The following ADRA1B variants were observed in gnomAD, a reference collection of about 807,000 sequenced individuals.
The protein encoded by ADRA1B is alpha-1B adrenergic receptor.
A neutral mutation model predicts 17.9 loss-of-function variants in ADRA1B; 17 were observed. The ratio of observed to expected loss-of-function variants is 0.95; its 90% confidence interval spans 0.65 to 1.42. The LOEUF is 1.42. Ranked by LOEUF, ADRA1B falls within the 40% of genes most tolerant of loss-of-function variation. The probability of loss-of-function intolerance (pLI) is 0.00; values close to 1 mark genes in which losing one functional copy is unlikely to be tolerated. For synonymous variants in ADRA1B, 366 were observed against 327.6 expected, an observed-to-expected ratio of 1.12 and a Z score of -1.27; for missense variants, 681 against 722.1, an observed-to-expected ratio of 0.94 and a Z score of 0.65.
intron 1 of ADRA1B, among the ~76,000 whole-genome samples, chr5:159,903,106 A>C (rs1483131788): frequency 6.6e-6 from 1 of 152,200 alleles, no homozygotes; most frequent in Non-Finnish European, 1.5e-5. Flanking sequence ...CCTCTGCCTC[A>C]ACAGCCCGGC....
intron 1 of ADRA1B, among the ~76,000 whole-genome samples, chr5:159,958,284 T>C (rs1441280022): frequency 6.6e-6 from 1 of 152,202 alleles, no homozygotes; most frequent in Admixed American, 6.5e-5. Flanking sequence ...AGCTATCCTG[T>C]TGCCCCAACT....
chr5:159,903,868 G>A (rs1754128532), intron 1 of ADRA1B, among the ~76,000 whole-genome samples: 1 of 152,132 alleles, frequency 6.6e-6, no homozygotes, highest in South Asian at 2.1e-4. Context: ...CCGACAGGTG[G>A]AAGACTCAGG....
chr5:159,888,651 G>A (rs1753952071), intron 1 of ADRA1B, among the ~76,000 whole-genome samples: 1 of 152,106 alleles, frequency 6.6e-6, no homozygotes, highest in Admixed American at 6.5e-5. Flanking sequence ...AGTAGGAACT[G>A]CAGAAAGCAC....
intron 1 of ADRA1B, among the ~76,000 whole-genome samples, chr5:159,911,188 CA>C (rs1754223748): frequency 6.6e-6 from 1 of 152,086 alleles, no homozygotes; most frequent in Non-Finnish European, 1.5e-5. Flanking sequence ...GATTTTTGGG[CA>C]AAGTGATAGT....
intron 1 of ADRA1B, among the ~76,000 whole-genome samples, chr5:159,896,421 C>G (rs1754041202): frequency 6.6e-6 from 1 of 152,146 alleles, no homozygotes; most frequent in Non-Finnish European, 1.5e-5. Context: ...GCTATAATTC[C>G]CAGTTCTTGT....
chr5:159,927,757 TATAGTGCAGACGTCCA>T lies in ADRA1B; in HGVS notation c.949+9909_949+9924del, dbSNP rs199999069. On this transcript the variant is annotated intron_variant, in intron 1 of 1. Coordinates refer to ENST00000306675, the MANE Select transcript of ADRA1B (RefSeq NM_000679.4). Reference sequence around the variant, plus strand: ...TTTTAAAACCTGGAATAAGGGTGTTTATAGTGCAGACGTCCAATAGTACACCAGTTTCACACCAGAG... The same window carrying T: ...TTTTAAAACCTGGAATAAGGGTGTTTATAGTACACCAGTTTCACACCAGAG... 7.2e-5 allele frequency among the ~76,000 whole-genome samples: 11 copies of T among 152,180 alleles called. No homozygotes were observed. The East Asian group carries it at 2.1e-3, about 29-fold the overall frequency.
chr5:159,906,132 G>A (rs771148313), intron 1 of ADRA1B, among the ~76,000 whole-genome samples: 26 of 152,202 alleles, frequency 1.7e-4, no homozygotes, highest in Non-Finnish European at 3.8e-4. Flanking sequence ...TGGGATTACA[G>A]GGGTAAGCCA....
Position 159,972,342 on chromosome 5 carries a change from C to T in ADRA1B, c.1413C>T (p.Gly471=), listed in dbSNP as rs1220891574. The change falls in exon 2 of 2, where the codon GGC becomes GGT. Residue 471 remains glycine, a synonymous_variant. Coordinates refer to ENST00000306675, the MANE Select transcript of ADRA1B (RefSeq NM_000679.4). ...PPGRRGRHDS[G]PLFTFKLLTE... ...GCCGCCGCGGCCGCCACGACTCGGG[C>T]CCGCTCTTCACCTTCAAGCTCCTGA... The T allele has an allele frequency of 1.3e-6, 2 of 1,484,276 alleles. No individual in the cohort carries two copies. Among genetic ancestry groups the T allele is most frequent in the African/African-American group, 2.9e-5 (2 of 68,430 alleles). 91.9% of individuals were successfully genotyped at this position (1,484,276 alleles called of 1,614,324 possible). A position where few individuals can be genotyped will look rare whatever the true frequency, so the allele number is the denominator to read the frequency against.
At chr5:159,988,646 C>G in the ADRA1B span, among the ~76,000 whole-genome samples, 1 of 152,130 alleles carries the variant, frequency 6.6e-6, no homozygotes, top group African/African-American at 2.4e-5. Flanking sequence ...AGTCTCTTTC[C>G]TAGAGAGTTT....
At chr5:159,931,244 A>G (rs991492739) in intron 1 of ADRA1B, among the ~76,000 whole-genome samples, 2 of 151,196 alleles carry the variant, frequency 1.3e-5, no homozygotes, top group African/African-American at 4.9e-5. Flanking sequence ...AAAAATAAAA[A>G]TTAGCCTCAT....
chr5:159,907,050 C>T (rs114662016), intron 1 of ADRA1B, among the ~76,000 whole-genome samples: 2,726 of 152,204 alleles, frequency 0.018, 80 homozygotes, highest in African/African-American at 0.062. Context: ...TTATAGCCTT[C>T]GAGCCTCTTT....
At chr5:159,893,938 A>C (rs898582097) in intron 1 of ADRA1B, among the ~76,000 whole-genome samples, 19 of 152,216 alleles carry the variant, frequency 1.2e-4, no homozygotes, top group Admixed American at 1.2e-3. Flanking sequence ...GCCTCTCTGC[A>C]TAGTGTGTCC....
At chr5:159,961,506 A>G (rs1166897418) in intron 1 of ADRA1B, among the ~76,000 whole-genome samples, 3 of 152,250 alleles carry the variant, frequency 2.0e-5, no homozygotes, top group Non-Finnish European at 4.4e-5. Context: ...TTCCAAATCC[A>G]AGGAAACCTT....
intron 1 of ADRA1B, among the ~76,000 whole-genome samples, chr5:159,939,252 G>GGAGAGAGA (rs67704328): frequency 1.3e-3 from 127 of 99,786 alleles, no homozygotes; most frequent in East Asian, 7.1e-3. Flanking sequence ...TTTCTTTGAA[G>GGAGAGAGA]GAGAGAGAGA....
chr5:159,895,510 C>T (rs1041200371), intron 1 of ADRA1B, among the ~76,000 whole-genome samples: 2 of 152,180 alleles, frequency 1.3e-5, no homozygotes, highest in Non-Finnish European at 2.9e-5. Context: ...AGAATTCAAA[C>T]CCAGGTTTCA....
At chr5:159,974,770 G>C (rs1460138679), downstream of ADRA1B, among the ~76,000 whole-genome samples, 1 of 152,054 alleles carries the variant, frequency 6.6e-6, no homozygotes, top group African/African-American at 2.4e-5. Context: ...AATTTTAGAT[G>C]CCGTACCCTT....
At chr5:159,871,103 C>A (rs149924966) in intron 1 of ADRA1B, 93 of 152,356 alleles carry the variant, frequency 6.1e-4, no homozygotes, top group African/African-American at 2.2e-3. Flanking sequence ...CATGGAAAAG[C>A]AGACAGAGCT....
chr5:159,896,889 G>A (rs1754046192), intron 1 of ADRA1B, among the ~76,000 whole-genome samples: 1 of 152,196 alleles, frequency 6.6e-6, no homozygotes. Context: ...CTAACTCTAT[G>A]CTCAGCACAT....
the ADRA1B span, among the ~76,000 whole-genome samples, chr5:159,986,652 A>G: frequency 6.6e-6 from 1 of 152,230 alleles, no homozygotes; most frequent in East Asian, 1.9e-4. Context: ...GATAGAAATA[A>G]GACCCAGTAA....
Sources: allele counts gnomAD v4.1 joint callset (sites outside exome capture counted in the v4.1 genomes callset), GRCh38; gene constraint gnomAD v4.1.1; transcripts MANE v1.5; gene names NCBI Gene and HGNC (gene_info 2026-07-23, HGNC 2026-07-21).